Variants in METAP1D observed in about 807,000 individuals in gnomAD.
METAP1D encodes methionine aminopeptidase 1D, mitochondrial.
In METAP1D, 31 loss-of-function variants were observed where a neutral mutation model predicts 40.5. The ratio of observed to expected loss-of-function variants is 0.77; its 90% CI spans 0.58 to 1.03. The LOEUF (loss-of-function observed/expected upper bound fraction) is 1.03. Among genes scored for constraint, METAP1D ranks in the 50% least tolerant of loss-of-function variants. METAP1D has a pLI of 0.00. For synonymous variants in METAP1D, 151 were observed against 146.4 expected (o/e 1.03, Z -0.22); for missense variants, 411 against 420.7 (o/e 0.98, Z 0.20).
intron 5 of METAP1D, among the ~76,000 whole-genome samples, chr2:172,068,571 T>C (rs188873891): frequency 8.2e-4 from 124 of 151,208 alleles, no homozygotes; most frequent in African/African-American, 2.9e-3. Flanking sequence ...TGGAGCACAA[T>C]GGCAGGATCT....
intron 1 of METAP1D, among the ~76,000 whole-genome samples, chr2:172,033,600 C>T (rs1000673634): frequency 2.6e-5 from 4 of 151,976 alleles, no homozygotes; most frequent in Admixed American, 6.6e-5. Flanking sequence ...AAGTGATGTG[C>T]CTGTCTCGGC....
At chr2:172,008,472 C>G (rs540592839) in intron 1 of METAP1D, among the ~76,000 whole-genome samples, 2 of 152,264 alleles carry the variant, frequency 1.3e-5, no homozygotes, top group South Asian at 2.1e-4. Context: ...CATAGTCCCC[C>G]GCTTATCCAA....
At chr2:172,077,357 T>C (rs1396702174) in intron 6 of METAP1D, among the ~76,000 whole-genome samples, 1 of 152,244 alleles carries the variant, frequency 6.6e-6, no homozygotes, top group Non-Finnish European at 1.5e-5. Flanking sequence ...TATATTGTAA[T>C]TTGTTTTATA....
intron 1 of METAP1D, among the ~76,000 whole-genome samples, chr2:172,042,307 A>G (rs754419197): frequency 4.1e-4 from 9 of 21,860 alleles, no homozygotes; most frequent in South Asian, 1.2e-3. Flanking sequence ...GTGTACATAT[A>G]TACATATATA....
chr2:172,004,002 T>C (rs1025242959), intron 1 of METAP1D, among the ~76,000 whole-genome samples: 1 of 152,202 alleles, frequency 6.6e-6, no homozygotes, highest in Admixed American at 6.5e-5. Flanking sequence ...ACTTCTGACT[T>C]CAAGTGATCC....
At chr2:172,049,553 T>G (rs971148386) in intron 1 of METAP1D, among the ~76,000 whole-genome samples, 2 of 152,112 alleles carry the variant, frequency 1.3e-5, no homozygotes, top group African/African-American at 4.8e-5. Context: ...TACCAAAAAC[T>G]GTCGAGTGAG....
At position 172,080,140 on chromosome 2, in the gene METAP1D, C is replaced by A. The variant is rs754882446; in HGVS notation, c.863C>A (p.Thr288Lys). 6.2e-7 allele frequency: 1 copy of A among 1,614,064 alleles called. No homozygotes were observed. Among genetic ancestry groups the A allele is most frequent in the Non-Finnish European group, 8.5e-7 (1 of 1,179,900 alleles). ...TTTCCTCTTACAGAGCCAATCATCA[C>A]GGAGGGATCCCCTGAATTTAAAGTC... Reference protein sequence around the residue: ...GMAFTIEPIITEGSPEFKVLE... With the variant: ...GMAFTIEPIIKEGSPEFKVLE... Residue 288 changes from threonine (T) to lysine (K), a missense_variant, in exon 9 of 10, where the codon ACG becomes AAG. Thr to Lys is a moderately conservative substitution (Grantham distance 78, BLOSUM62 -1). Transcript: ENST00000315796.
At chr2:172,068,550 G>A (rs1426890554) in intron 5 of METAP1D, among the ~76,000 whole-genome samples, 1 of 149,256 alleles carries the variant, frequency 6.7e-6, no homozygotes, top group Non-Finnish European at 1.5e-5. Flanking sequence ...GTTTCCCTCT[G>A]TTGCCCAGGC....
intron 5 of METAP1D, among the ~76,000 whole-genome samples, chr2:172,068,977 G>A (rs1315121378): frequency 1.3e-5 from 2 of 151,892 alleles, no homozygotes; most frequent in Admixed American, 1.3e-4. Context: ...GCAGTGCAGT[G>A]GTGCCATCAT....
chr2:172,045,881 G>A (rs1220376057), intron 1 of METAP1D, among the ~76,000 whole-genome samples: 7 of 112,568 alleles, frequency 6.2e-5, no homozygotes, highest in African/African-American at 2.5e-4. Flanking sequence ...ATTCTTTAGT[G>A]GTGATTTGTG....
At chr2:172,007,582 T>A (rs1288831089) in intron 1 of METAP1D, among the ~76,000 whole-genome samples, 1 of 152,232 alleles carries the variant, frequency 6.6e-6, no homozygotes, top group Non-Finnish European at 1.5e-5. Context: ...TTCATGGTCC[T>A]GCATTGCCTA....
intron 1 of METAP1D, among the ~76,000 whole-genome samples, chr2:172,038,588 A>G (rs1438476190): frequency 6.6e-6 from 1 of 152,146 alleles, no homozygotes; most frequent in African/African-American, 2.4e-5. Context: ...TCTGTTTTTC[A>G]TTTGTTACAT....
intron 1 of METAP1D, among the ~76,000 whole-genome samples, chr2:172,023,015 C>T (rs1409597552): frequency 6.6e-6 from 1 of 152,084 alleles, no homozygotes; most frequent in Non-Finnish European, 1.5e-5. Context: ...GGAGAAACCT[C>T]GTCTCTACTA....
At chr2:172,035,991 G>C (rs1463008527) in intron 1 of METAP1D, among the ~76,000 whole-genome samples, 2 of 152,004 alleles carry the variant, frequency 1.3e-5, no homozygotes, top group African/African-American at 4.8e-5. Flanking sequence ...TATCTGTAGT[G>C]AATTCATTTT....
At position 172,066,295 on chromosome 2, in the gene METAP1D, A is replaced by G. The variant is rs1379000307; in HGVS notation, c.529A>G (p.Ile177Val). ...TCTTCAGGATGGAGATATTATCAAC[A>G]TTGATGTCACAGTGAGTAAATCATA... ...RPLQDGDIIN[I>V]DVTVYYNGYH... Residue 177 changes from isoleucine to valine, a missense_variant, in exon 5 of 10, where the codon ATT becomes GTT. Coordinates refer to ENST00000315796, the MANE Select transcript of METAP1D (RefSeq NM_199227.3). The G allele has an allele frequency of 6.2e-7, 1 of 1,611,544 alleles. No individual in the cohort carries two copies. The highest frequency in any genetic ancestry group is 2.2e-5 in the East Asian group (1 of 44,832).
In METAP1D at chr2:172,080,963, T is replaced by G; in HGVS notation, c.*557T>G. On this transcript the variant is annotated 3_prime_UTR_variant, in exon 10 of 10. Coordinates refer to ENST00000315796, the MANE Select transcript of METAP1D (RefSeq NM_199227.3). ...CCCCAGCCCTTCCGTATCTTTCCCC[T>G]CCATCGCGGCTTTGCGATGAAAGAT... is the stretch of plus-strand genomic sequence containing the variant. The G allele has an allele frequency of 6.3e-6, 1 of 158,102 alleles. No homozygotes were observed. Among genetic ancestry groups the G allele is most frequent in the Non-Finnish European group, 1.4e-5 (1 of 71,676 alleles). 9.8% of individuals were successfully genotyped at this position (158,102 alleles called of 1,614,324 possible).
chr2:172,042,999 A>G (rs1240413524), intron 1 of METAP1D, among the ~76,000 whole-genome samples: 1 of 105,936 alleles, frequency 9.4e-6, no homozygotes, highest in African/African-American at 2.7e-5. Context: ...GCGTGTGTAC[A>G]CATATATGTG....
At chr2:172,015,326 C>T (rs1688831324) in intron 1 of METAP1D, among the ~76,000 whole-genome samples, 2 of 152,044 alleles carry the variant, frequency 1.3e-5, no homozygotes, top group African/African-American at 4.8e-5. Flanking sequence ...GCAGGAGAAT[C>T]ACTTGAACCC....
intron 1 of METAP1D, among the ~76,000 whole-genome samples, chr2:172,003,374 G>C (rs748443873): frequency 2.0e-5 from 3 of 152,140 alleles, no homozygotes; most frequent in Non-Finnish European, 4.4e-5. Context: ...GGTCTAGCTC[G>C]GGCCACGAAG....
Sources: allele counts gnomAD v4.1 joint callset (sites outside exome capture counted in the v4.1 genomes callset), GRCh38; gene constraint gnomAD v4.1.1; transcripts MANE v1.5; gene names NCBI Gene and HGNC (gene_info 2026-07-23, HGNC 2026-07-21).